RBFOX1: variants seen among roughly 807,000 people sequenced by gnomAD.
RBFOX1 encodes RNA binding fox-1 homolog 1.
Under a neutral mutation model 57.7 loss-of-function variants are expected in RBFOX1, and 8 were observed. The observed-to-expected ratio is 0.14, with a 90% confidence interval of 0.08 to 0.25. The LOEUF is 0.25. Ranked by LOEUF, RBFOX1 falls within the 10% of genes least tolerant of loss-of-function variation. RBFOX1 has a pLI of 1.00. For missense variants in RBFOX1, 611 were observed against 548.5 expected, an observed-to-expected ratio of 1.11 and a Z score of -1.14; for synonymous variants, 326 against 222.4, an observed-to-expected ratio of 1.47 and a Z score of -4.15.
At chr16:5,958,198 G>C (rs945069022) in intron 4 of RBFOX1, among the ~76,000 whole-genome samples, 2 of 152,146 alleles carry the variant, frequency 1.3e-5, no homozygotes, top group Non-Finnish European at 1.5e-5. Flanking sequence ...CTTATCAAAG[G>C]GGTGCTATAA....
intron 5 of RBFOX1, among the ~76,000 whole-genome samples, chr16:7,546,138 C>A (rs2084445847): frequency 6.6e-6 from 1 of 151,728 alleles, no homozygotes; most frequent in African/African-American, 2.4e-5. Flanking sequence ...ACCAGCCTGG[C>A]CAACATGGTG....
intron 3 of RBFOX1, among the ~76,000 whole-genome samples, chr16:6,871,441 C>A (rs759833446): frequency 4.6e-5 from 7 of 152,146 alleles, no homozygotes; most frequent in Non-Finnish European, 5.9e-5. Context: ...TCACCTCAGC[C>A]TCCCAAATTG....
intron 4 of RBFOX1, among the ~76,000 whole-genome samples, chr16:5,928,411 G>GAA (rs374169902): frequency 6.0e-5 from 8 of 132,922 alleles, no homozygotes; most frequent in African/African-American, 1.4e-4. Context: ...TTCTCGCCAT[G>GAA]AAAAAAAAAA....
At chr16:6,524,181 C>G (rs913355597) in intron 2 of RBFOX1, among the ~76,000 whole-genome samples, 4 of 152,192 alleles carry the variant, frequency 2.6e-5, no homozygotes, top group African/African-American at 7.2e-5. Flanking sequence ...TCCCTGTACT[C>G]TCTATCTCCG....
At chr16:6,820,057 C>A (rs1050353556) in intron 3 of RBFOX1, among the ~76,000 whole-genome samples, 1 of 152,090 alleles carries the variant, frequency 6.6e-6, no homozygotes, top group Non-Finnish European at 1.5e-5. Context: ...AAAATTGAAT[C>A]GTGGGGCTTG....
At chr16:7,675,951 C>T (rs933671473) in intron 13 of RBFOX1, among the ~76,000 whole-genome samples, 1 of 152,216 alleles carries the variant, frequency 6.6e-6, no homozygotes, top group African/African-American at 2.4e-5. Context: ...GTTTGATCAT[C>T]AACGCTCCAC....
chr16:6,006,085 A>G (rs183208708), intron 4 of RBFOX1, among the ~76,000 whole-genome samples: 85 of 152,352 alleles, frequency 5.6e-4, no homozygotes, highest in African/African-American at 1.9e-3. Context: ...GAGGTTATTC[A>G]TTAGATAAGT....
intron 1 of RBFOX1, among the ~76,000 whole-genome samples, chr16:5,269,789 C>T (rs2062958923): frequency 6.6e-6 from 1 of 152,088 alleles, no homozygotes; most frequent in African/African-American, 2.4e-5. Flanking sequence ...ATATTAAAAA[C>T]CATTGAAATG....
At chr16:5,774,652 A>G (rs868394500) in intron 3 of RBFOX1, among the ~76,000 whole-genome samples, 2 of 152,318 alleles carry the variant, frequency 1.3e-5, no homozygotes, top group South Asian at 4.1e-4. Context: ...GGATACCAGC[A>G]GCATTTCCTT....
At position 7,097,175 on chromosome 16, in the gene RBFOX1, G is replaced by T. The variant is rs576703133; in HGVS notation, c.27+45077G>T. The stretch of plus-strand genomic sequence containing the variant: ...GTGACTTCGAGCAAGACTTTTCCAA[G>T]AAGGTGTCTTCTCAGCTAGGACCTG... On this transcript the variant is annotated intron_variant, in intron 4 of 15. Coordinates refer to ENST00000550418, the MANE Select transcript of RBFOX1 (RefSeq NM_018723.4). 5.3e-5 allele frequency among the ~76,000 whole-genome samples: 8 copies of T among 152,256 alleles called. No homozygotes were observed. In the South Asian group the frequency reaches 1.7e-3, roughly 32 times the overall value.
intron 3 of RBFOX1, among the ~76,000 whole-genome samples, chr16:6,928,583 A>C (rs2076016780): frequency 6.6e-6 from 1 of 152,122 alleles, no homozygotes; most frequent in African/African-American, 2.4e-5. Flanking sequence ...ATTCCTTGGG[A>C]TCAGCAATGT....
intron 3 of RBFOX1, among the ~76,000 whole-genome samples, chr16:6,683,450 A>C (rs1057140586): frequency 6.6e-6 from 1 of 152,218 alleles, no homozygotes; most frequent in African/African-American, 2.4e-5. Context: ...ATGTCTTTCA[A>C]ATGGTTTAGG....
At chr16:7,289,428 C>T (rs886391336) in intron 4 of RBFOX1, among the ~76,000 whole-genome samples, 3 of 152,144 alleles carry the variant, frequency 2.0e-5, no homozygotes, top group African/African-American at 4.8e-5. Context: ...TCATCACCAT[C>T]ACCATCATCA....
chr16:7,708,757 G>A (rs1460071433), intron 14 of RBFOX1, among the ~76,000 whole-genome samples: 5 of 152,136 alleles, frequency 3.3e-5, no homozygotes, highest in Admixed American at 2.0e-4. Flanking sequence ...AGTCTCTAAG[G>A]CAGCTACTTG....
chr16:5,709,843 A>ATATATTTT (rs1428572671), intron 3 of RBFOX1, among the ~76,000 whole-genome samples: 1 of 12,320 alleles, frequency 8.1e-5, no homozygotes, highest in African/African-American at 3.4e-4. Flanking sequence ...ATATATATAT[A>ATATATTTT]TTTTTTTTTT....
chr16:6,512,537 G>T (rs1210896872), intron 2 of RBFOX1, among the ~76,000 whole-genome samples: 1 of 152,070 alleles, frequency 6.6e-6, no homozygotes, highest in African/African-American at 2.4e-5. Context: ...CCAAGACTGG[G>T]TGTTGCTAGA....
At chr16:6,207,511 G>A (rs1013317634) in intron 1 of RBFOX1, among the ~76,000 whole-genome samples, 1 of 152,096 alleles carries the variant, frequency 6.6e-6, no homozygotes, top group Non-Finnish European at 1.5e-5. Context: ...GTGGTTAAGA[G>A]AGGGCTGAAG....
Position 7,633,052 on chromosome 16 carries a change from C to T in RBFOX1, c.757+2369C>T, listed in dbSNP as rs560780637. ...AAAATGAAACCATCTAAAGCGAGGG[C>T]CACCCAAGCCAGCCCATGGCCTGTG... On this transcript the variant is annotated intron_variant, in intron 11 of 15. Transcript: ENST00000550418. Among the ~76,000 whole-genome samples, 17 of 152,238 alleles carry T rather than the reference C, an allele frequency of 1.1e-4. No individual in the cohort carries two copies. In the East Asian group the frequency reaches 2.1e-3, roughly 19 times the overall value.
intron 2 of RBFOX1, among the ~76,000 whole-genome samples, chr16:6,574,663 C>T (rs865990270): frequency 6.9e-6 from 1 of 144,096 alleles, no homozygotes; most frequent in Non-Finnish European, 1.5e-5. Context: ...CTCCTGACCT[C>T]GTGATCCGCC....
Sources: gnomAD v4.1 joint callset for allele counts (sites outside exome capture counted in the v4.1 genomes callset) on GRCh38, gnomAD v4.1.1 for gene constraint, MANE v1.5 for transcripts, NCBI Gene and HGNC (gene_info 2026-07-23, HGNC 2026-07-21) for gene names.